AK3: variants seen among roughly 807,000 people sequenced by gnomAD.
The protein encoded by AK3 is adenylate kinase 3.
A neutral mutation model predicts 23.7 loss-of-function variants in AK3; 27 were observed. The ratio of observed to expected loss-of-function variants is 1.14; its 90% CI spans 0.84 to 1.57. AK3 has a LOEUF of 1.57. Among genes scored for constraint, AK3 ranks in the 40% most tolerant of loss-of-function variants. The pLI, the probability that AK3 is intolerant of heterozygous loss-of-function variation, is 0.00. For synonymous variants in AK3, 159 were observed against 116.0 expected, an observed-to-expected ratio of 1.37 and a Z score of -2.38; for missense variants, 406 against 285.6, an observed-to-expected ratio of 1.42 and a Z score of -3.04.
chr9:4,723,619 A>G (rs1397180087), intron 1 of AK3, among the ~76,000 whole-genome samples: 2 of 152,216 alleles, frequency 1.3e-5, no homozygotes, highest in Non-Finnish European at 2.9e-5. Context: ...TAATCTGCGT[A>G]TCTACAATTT....
At position 4,729,015 on chromosome 9, in the gene AK3, A is replaced by ATATATATATTTTTTT. The variant is rs71326127; in HGVS notation, c.152-6391_152-6390insAAAAAAATATATATA. ...CACACACACATATATATATATATAT[A>ATATATATATTTTTTT]TTTTTTTTTTTTGAGACGGAATTTT... On this transcript the variant is annotated intron_variant, in intron 1 of 4. Transcript: ENST00000381809. Among the ~76,000 whole-genome samples the ATATATATATTTTTTT allele has an allele frequency of 1.3e-3, 168 of 129,422 alleles. 2 individuals are homozygous for ATATATATATTTTTTT. The highest frequency in any genetic ancestry group is 2.4e-3 in the East Asian group (10 of 4,174). The allele number at this position is 129,422 out of a possible 152,430, so 84.9% of individuals were successfully genotyped here. A position where few individuals can be genotyped will look rare whatever the true frequency, so the allele number is the denominator to read the frequency against.
chr9:4,717,166 G>C (rs1841758849), intron 4 of AK3, among the ~76,000 whole-genome samples: 1 of 152,088 alleles, frequency 6.6e-6, no homozygotes, highest in Non-Finnish European at 1.5e-5. Flanking sequence ...TGGTGAGCTG[G>C]GACTTGAACT....
intron 1 of AK3, among the ~76,000 whole-genome samples, chr9:4,727,759 G>C (rs1474428380): frequency 6.6e-6 from 1 of 152,156 alleles, no homozygotes; most frequent in Non-Finnish European, 1.5e-5. Flanking sequence ...GTTTCAGCCT[G>C]TCTTGGTTTT....
At position 4,735,352 on chromosome 9, in the gene AK3, AAT is replaced by A. The variant is rs368531662; in HGVS notation, c.151+5583_151+5584del. On this transcript the variant is annotated intron_variant, in intron 1 of 4. Transcript: ENST00000381809. ...ATATAAATATATATATACATATATA[AAT>A]ATATATATACATATATAAATATATA... is the stretch of plus-strand genomic sequence containing the variant. Among the ~76,000 whole-genome samples, 57 of 17,280 alleles carry A rather than the reference AAT, an allele frequency of 3.3e-3. 2 individuals carry two copies. Among genetic ancestry groups the A allele is most frequent in the East Asian group, 6.0e-3 (5 of 828 alleles). 11.3% of individuals were successfully genotyped at this position (17,280 alleles called of 152,430 possible). A position where few individuals can be genotyped will look rare whatever the true frequency, so the allele number is the denominator to read the frequency against.
intron 1 of AK3, among the ~76,000 whole-genome samples, chr9:4,735,480 T>TATA (rs1563798723): frequency 9.9e-5 from 6 of 60,528 alleles, no homozygotes; most frequent in African/African-American, 3.6e-4. Flanking sequence ...ATATATATAT[T>TATA]TTTTTTTTTT....
chr9:4,719,817 G>A (rs562335191), intron 2 of AK3, among the ~76,000 whole-genome samples: 1 of 152,282 alleles, frequency 6.6e-6, no homozygotes, highest in African/African-American at 2.4e-5. Context: ...TGTAATCCCA[G>A]CATTTTGGGA....
chr9:4,732,434 G>A (rs1223345558), intron 1 of AK3, among the ~76,000 whole-genome samples: 3 of 152,112 alleles, frequency 2.0e-5, no homozygotes, highest in African/African-American at 7.2e-5. Context: ...GACTACACTA[G>A]GAATCGGCAG....
rs1240654498 is a variant in AK3, at chr9:4,730,268, C to G, written c.152-7643G>C. ...AAAATTGATTGAGGTGATGGTTGCACAACTTTGGATATGCTAAAAACCACT... is the reference window on the plus strand; with the variant it reads ...AAAATTGATTGAGGTGATGGTTGCAGAACTTTGGATATGCTAAAAACCACT... On this transcript the variant is annotated intron_variant, in intron 1 of 4. Transcript: ENST00000381809. Among the ~76,000 whole-genome samples the G allele has an allele frequency of 1.6e-4, 25 of 152,016 alleles. 1 individual carries two copies. In the South Asian group the frequency reaches 1.7e-3, roughly 10 times the overall value.
chr9:4,739,532 G>A (rs944271961), intron 1 of AK3, among the ~76,000 whole-genome samples: 4 of 151,180 alleles, frequency 2.6e-5, no homozygotes, highest in African/African-American at 9.7e-5. Context: ...AAAACAGAAT[G>A]AAATGGATTT....
intron 1 of AK3, 44 bp from the exon 2 acceptor site, chr9:4,722,669 A>C (rs1293613113): frequency 6.2e-7 from 1 of 1,612,952 alleles, no homozygotes; most frequent in Non-Finnish European, 8.5e-7. Flanking sequence ...CATTTGTTTT[A>C]TCCCATTCCA....
chr9:4,732,341 A>G (rs540012989), intron 1 of AK3, among the ~76,000 whole-genome samples: 1 of 152,306 alleles, frequency 6.6e-6, no homozygotes, highest in South Asian at 2.1e-4. Flanking sequence ...GTGTGAATCA[A>G]TTGTGTATGC....
intron 1 of AK3, among the ~76,000 whole-genome samples, chr9:4,731,707 C>T (rs1293602161): frequency 7.2e-5 from 11 of 152,062 alleles, no homozygotes; most frequent in Admixed American, 7.2e-4. Context: ...ATATGGTAAA[C>T]TTTTATCCAT....
intron 1 of AK3, among the ~76,000 whole-genome samples, chr9:4,735,955 A>G (rs1842282849): frequency 6.6e-6 from 1 of 151,810 alleles, no homozygotes; most frequent in African/African-American, 2.4e-5. Context: ...TCTCTACTAA[A>G]AATACAAAAA....
intron 4 of AK3, among the ~76,000 whole-genome samples, chr9:4,713,832 A>C (rs995429493): frequency 1.4e-5 from 2 of 144,930 alleles, no homozygotes; most frequent in Admixed American, 7.0e-5. Flanking sequence ...TTTTCAAGCC[A>C]CACAGATTCC....
chr9:4,739,897 A>C (rs928426581), intron 1 of AK3, among the ~76,000 whole-genome samples: 1 of 152,036 alleles, frequency 6.6e-6, no homozygotes, highest in Non-Finnish European at 1.5e-5. Context: ...AAAACAAACA[A>C]ACCAAAAAGA....
At chr9:4,718,678 C>T (rs2130878893) in intron 3 of AK3, 141 bp from the exon 4 acceptor site, 1 of 637,564 alleles carries the variant, frequency 1.6e-6, no homozygotes, top group Middle Eastern at 4.1e-4. Context: ...AAATGGAATC[C>T]AACCTCAAAA....
At chr9:4,715,541 T>G (rs1841704224) in intron 4 of AK3, among the ~76,000 whole-genome samples, 1 of 152,002 alleles carries the variant, frequency 6.6e-6, no homozygotes, top group African/African-American at 2.4e-5. Flanking sequence ...ACTATAGGCA[T>G]GTGCCACCAT....
intron 1 of AK3, among the ~76,000 whole-genome samples, chr9:4,731,589 A>G (rs1163572071): frequency 6.8e-6 from 1 of 147,820 alleles, no homozygotes; most frequent in Admixed American, 6.8e-5. Flanking sequence ...AAAAAAAAAG[A>G]CTTAACTCCC....
upstream of AK3, chr9:4,741,449 G>C (rs1158808952): frequency 9.6e-6 from 2 of 207,934 alleles, no homozygotes; most frequent in Admixed American, 6.0e-5. Context: ...GGATCCCTTC[G>C]GCGCCCCTCT....
Sources: allele counts gnomAD v4.1 joint callset (sites outside exome capture counted in the v4.1 genomes callset), GRCh38; gene constraint gnomAD v4.1.1; transcripts MANE v1.5; gene names NCBI Gene and HGNC (gene_info 2026-07-23, HGNC 2026-07-21).